The following PRKN variants were observed in gnomAD, a reference collection of about 807,000 sequenced individuals.
PRKN encodes parkin RBR E3 ubiquitin protein ligase, also known as E3 ubiquitin-protein ligase parkin.
A neutral mutation model predicts 59.5 loss-of-function variants in PRKN; 56 were observed. That is an observed-to-expected ratio of 0.94 (90% CI 0.76 to 1.18). PRKN has a LOEUF of 1.18. PRKN is among the 50% of genes most tolerant of loss of function. PRKN has a pLI of 0.00. For synonymous variants in PRKN, 250 were observed against 222.1 expected (o/e 1.13, Z -1.12); for missense variants, 657 against 596.4 (o/e 1.10, Z -1.06).
intron 1 of PRKN, among the ~76,000 whole-genome samples, chr6:162,554,141 G>T (rs529374994): frequency 6.6e-6 from 1 of 152,202 alleles, no homozygotes; most frequent in East Asian, 1.9e-4. Context: ...CACTGAAGAT[G>T]AGCAGATCAA....
At chr6:162,553,747 A>G (rs1779426059) in intron 1 of PRKN, among the ~76,000 whole-genome samples, 1 of 132,876 alleles carries the variant, frequency 7.5e-6, no homozygotes, top group Admixed American at 8.9e-5. Context: ...GGTTGCAGTG[A>G]GACGAGATTG....
chr6:161,922,527 A>T (rs1435356150), intron 6 of PRKN, among the ~76,000 whole-genome samples: 3 of 152,220 alleles, frequency 2.0e-5, no homozygotes, highest in Non-Finnish European at 2.9e-5. Flanking sequence ...GCACATACAT[A>T]TAAGTAAATT....
At chr6:161,717,517 C>T (rs139204298) in intron 7 of PRKN, among the ~76,000 whole-genome samples, 306 of 152,198 alleles carry the variant, frequency 2.0e-3, no homozygotes, top group African/African-American at 7.1e-3. Flanking sequence ...GGTCTGTCTA[C>T]GAGACTGTGG....
chr6:161,851,888 A>G (rs1042437319), intron 6 of PRKN, among the ~76,000 whole-genome samples: 1 of 151,046 alleles, frequency 6.6e-6, no homozygotes, highest in Non-Finnish European at 1.5e-5. Context: ...GGAGTTTGAG[A>G]CCAGCCTGGC....
intron 1 of PRKN, among the ~76,000 whole-genome samples, chr6:162,680,395 C>CCA (rs1779727545): frequency 2.0e-5 from 3 of 150,482 alleles, no homozygotes; most frequent in African/African-American, 7.3e-5. Context: ...AACATATATA[C>CCA]TATATATATG....
intron 9 of PRKN, among the ~76,000 whole-genome samples, chr6:161,506,641 T>C (rs4708911): frequency 0.8 from 121,256 of 152,168 alleles, 48,572 homozygotes; most frequent in Middle Eastern, 0.87. Flanking sequence ...GAAAGGAGGA[T>C]GATGCAGGTG....
At position 161,502,984 on chromosome 6, in the gene PRKN, T is replaced by G. The variant is rs1290452131; in HGVS notation, c.1083+45870A>C. 6.6e-6 allele frequency among the ~76,000 whole-genome samples: 1 copy of G among 152,142 alleles called. No individual in the cohort carries two copies. Among genetic ancestry groups the G allele is most frequent in the Non-Finnish European group, 1.5e-5 (1 of 68,018 alleles). On this transcript the variant is annotated intron_variant, in intron 9 of 11. Transcript: ENST00000366898. This position sits in a 1 kb window ranked among gnomAD's most constrained non-coding sequence, Gnocchi z 4.0. The stretch of plus-strand genomic sequence containing the variant: ...TCATGCATTTGTGGCAAGGATTGAG[T>G]TAGATGATACATATCCAATGTTAAG...
intron 4 of PRKN, among the ~76,000 whole-genome samples, chr6:162,139,556 T>C (rs189126855): frequency 1.4e-4 from 21 of 152,164 alleles, no homozygotes; most frequent in African/African-American, 5.1e-4. Context: ...AACACACCCA[T>C]AGCACTCTCC....
chr6:162,406,465 AGACT>A (rs552975026), intron 2 of PRKN, among the ~76,000 whole-genome samples: 83 of 152,222 alleles, frequency 5.5e-4, no homozygotes, highest in Non-Finnish European at 9.0e-4. Context: ...ACTTAGATAT[AGACT>A]CTCTATGCAG....
chr6:161,427,148 A>G (rs1408134823), intron 9 of PRKN, among the ~76,000 whole-genome samples: 1 of 152,066 alleles, frequency 6.6e-6, no homozygotes, highest in East Asian at 1.9e-4. Flanking sequence ...CCTCCCTGGT[A>G]GCTGGGACTA....
chr6:161,960,882 T>C (rs1780352390), intron 6 of PRKN, among the ~76,000 whole-genome samples: 1 of 152,190 alleles, frequency 6.6e-6, no homozygotes, highest in Non-Finnish European at 1.5e-5. Context: ...CACAGAATTT[T>C]CACTAATGAA....
chr6:161,537,509 T>G (rs1195683723), intron 9 of PRKN, among the ~76,000 whole-genome samples: 3 of 151,910 alleles, frequency 2.0e-5, no homozygotes, highest in African/African-American at 7.3e-5. Flanking sequence ...TGGAGTTTAG[T>G]GGCGTGATCT....
chr6:162,641,186 T>C (rs9456802), intron 1 of PRKN, among the ~76,000 whole-genome samples: 29,258 of 152,046 alleles, frequency 0.19, 3,499 homozygotes, highest in East Asian at 0.47. Context: ...ACAACTATCT[T>C]CATACAGTTC....
chr6:162,025,184 T>C (rs544084228), intron 5 of PRKN, among the ~76,000 whole-genome samples: 4 of 151,964 alleles, frequency 2.6e-5, no homozygotes, highest in African/African-American at 9.7e-5. Flanking sequence ...CCTGGCTAAT[T>C]TTTTGTATTT....
At chr6:161,789,489 G>A (rs1293027247) in intron 6 of PRKN, among the ~76,000 whole-genome samples, 3 of 152,088 alleles carry the variant, frequency 2.0e-5, no homozygotes, top group African/African-American at 4.8e-5. Flanking sequence ...CTAGTCTCAC[G>A]GTAATACTCA....
intron 7 of PRKN, among the ~76,000 whole-genome samples, chr6:161,781,327 C>T (rs1427742299): frequency 2.0e-5 from 3 of 152,094 alleles, no homozygotes; most frequent in Non-Finnish European, 4.4e-5. Context: ...TGGCCACATT[C>T]ACAAAAAATG....
At chr6:161,963,300 G>C (rs1053795085) in intron 6 of PRKN, among the ~76,000 whole-genome samples, 4 of 152,236 alleles carry the variant, frequency 2.6e-5, no homozygotes, top group African/African-American at 7.2e-5. Context: ...CTTCCCAGCG[G>C]GGGTTGCTGC....
At chr6:162,109,806 C>T (rs371834369) in intron 4 of PRKN, among the ~76,000 whole-genome samples, 1 of 152,180 alleles carries the variant, frequency 6.6e-6, no homozygotes, top group African/African-American at 2.4e-5. Context: ...GCCTTCTCAG[C>T]TGTTTATGAG....
chr6:162,368,432 A>T (rs1261909909), intron 2 of PRKN, among the ~76,000 whole-genome samples: 2 of 152,230 alleles, frequency 1.3e-5, no homozygotes, highest in African/African-American at 4.8e-5. Context: ...TGCCATCAGG[A>T]CATGGAAGTC....
Sources: gnomAD v4.1 joint callset for allele counts (sites outside exome capture counted in the v4.1 genomes callset) on GRCh38, gnomAD v4.1.1 for gene constraint, Gnocchi (gnomAD v3.1) non-coding constraint, MANE v1.5 for transcripts, NCBI Gene and HGNC (gene_info 2026-07-23, HGNC 2026-07-21) for gene names.